The following NXPH2 variants were observed in gnomAD, a reference collection of about 807,000 sequenced individuals.
The protein encoded by NXPH2 is neurexophilin 2.
NXPH2 carries 5 observed loss-of-function variants against 19.8 expected under a neutral mutation model. That is an observed-to-expected ratio of 0.25 (90% confidence interval 0.13 to 0.53). NXPH2 has a LOEUF of 0.53. NXPH2 is among the 20% of genes least tolerant of loss of function. NXPH2 has a pLI of 0.96. For missense variants in NXPH2, 289 were observed against 322.8 expected (o/e 0.90, Z 0.80); for synonymous variants, 154 against 127.4 (o/e 1.21, Z -1.41).
At chr2:138,749,776 C>T (rs1681798676) in intron 1 of NXPH2, among the ~76,000 whole-genome samples, 1 of 151,926 alleles carries the variant, frequency 6.6e-6, no homozygotes, top group Admixed American at 6.6e-5. Context: ...ATAAAAACAC[C>T]ACAACCTAGA....
chr2:138,686,659 G>A (rs1157677516), intron 1 of NXPH2, among the ~76,000 whole-genome samples: 3 of 151,924 alleles, frequency 2.0e-5, no homozygotes, highest in African/African-American at 4.8e-5. Context: ...CCATTAACTC[G>A]TCATTTACAT....
chr2:138,720,865 C>G (rs1273125356), intron 1 of NXPH2, among the ~76,000 whole-genome samples: 2 of 152,134 alleles, frequency 1.3e-5, no homozygotes, highest in African/African-American at 4.8e-5. Context: ...TTGGACAAAG[C>G]CTGACACATT....
At chr2:138,739,501 C>T (rs886531744) in intron 1 of NXPH2, among the ~76,000 whole-genome samples, 2 of 151,992 alleles carry the variant, frequency 1.3e-5, no homozygotes, top group South Asian at 2.1e-4. Context: ...GGGTGTAGAA[C>T]AGGAGGAAGG....
intron 1 of NXPH2, among the ~76,000 whole-genome samples, chr2:138,775,228 A>G (rs183382695): frequency 6.6e-6 from 1 of 152,308 alleles, no homozygotes; most frequent in East Asian, 1.9e-4. Context: ...AAGGAAAGAT[A>G]ATTCCTTATT....
At chr2:138,709,899 T>C (rs1018357443) in intron 1 of NXPH2, among the ~76,000 whole-genome samples, 1 of 152,244 alleles carries the variant, frequency 6.6e-6, no homozygotes, top group Non-Finnish European at 1.5e-5. Context: ...CCACAATTTA[T>C]TTATCCATTC....
At position 138,728,707 on chromosome 2, in the gene NXPH2, G is replaced by A. The variant is rs182916721; in HGVS notation, c.51+51484C>T. On this transcript the variant is annotated intron_variant, in intron 1 of 1. Transcript: ENST00000272641. ...AAAATCCTGCCAGAACATCAATGTA[G>A]ATGCATTTATTCTCTGATAAAAAGT... Among the ~76,000 whole-genome samples the A allele has an allele frequency of 9.3e-4, 141 of 152,300 alleles. 1 individual carries two copies. The highest frequency in any genetic ancestry group is 8.5e-3 in the Admixed American group (130 of 15,294).
At chr2:138,738,580 C>CTCAA (rs1324691295) in intron 1 of NXPH2, among the ~76,000 whole-genome samples, 4 of 152,116 alleles carry the variant, frequency 2.6e-5, no homozygotes, top group African/African-American at 9.7e-5. Context: ...TATAGATTTC[C>CTCAA]TCAATCACTT....
chr2:138,726,292 G>A (rs560339840), intron 1 of NXPH2, among the ~76,000 whole-genome samples: 6 of 152,142 alleles, frequency 3.9e-5, no homozygotes, highest in East Asian at 1.9e-4. Flanking sequence ...TGATCTGCCC[G>A]CCTCAGCCTC....
intron 1 of NXPH2, among the ~76,000 whole-genome samples, chr2:138,712,923 C>T (rs1414164314): frequency 6.6e-6 from 1 of 152,214 alleles, no homozygotes; most frequent in Non-Finnish European, 1.5e-5. Context: ...TTAGTAAATA[C>T]TTGTGATAAA....
intron 1 of NXPH2, among the ~76,000 whole-genome samples, chr2:138,779,170 T>A (rs548062504): frequency 6.6e-6 from 1 of 152,282 alleles, no homozygotes; most frequent in Admixed American, 6.5e-5. Flanking sequence ...GGCAAAGTCT[T>A]AAGTATGAGG....
At chr2:138,722,389 G>A (rs2104994547) in intron 1 of NXPH2, among the ~76,000 whole-genome samples, 1 of 152,324 alleles carries the variant, frequency 6.6e-6, no homozygotes, top group South Asian at 2.1e-4. Flanking sequence ...TTGGGGGAAG[G>A]AAAATCAAGG....
intron 1 of NXPH2, among the ~76,000 whole-genome samples, chr2:138,753,326 C>T (rs924813413): frequency 3.3e-5 from 5 of 152,056 alleles, no homozygotes; most frequent in African/African-American, 1.2e-4. Context: ...TGAGGGTTTG[C>T]TTGTGGTTTG....
intron 1 of NXPH2, among the ~76,000 whole-genome samples, chr2:138,763,463 T>C (rs1367846057): frequency 6.6e-6 from 1 of 152,188 alleles, no homozygotes; most frequent in Non-Finnish European, 1.5e-5. Context: ...GTAATAAATA[T>C]TACAAAGTCT....
At chr2:138,761,268 A>G (rs1374943849) in intron 1 of NXPH2, among the ~76,000 whole-genome samples, 1 of 152,014 alleles carries the variant, frequency 6.6e-6, no homozygotes, top group East Asian at 1.9e-4. Context: ...CCCATTGCTA[A>G]CCCCTACATC....
At chr2:138,743,542 G>T (rs888259205) in intron 1 of NXPH2, among the ~76,000 whole-genome samples, 1 of 152,200 alleles carries the variant, frequency 6.6e-6, no homozygotes, top group African/African-American at 2.4e-5. Context: ...GAGATGAAGA[G>T]TGACTGCTAA....
At chr2:138,687,635 A>G (rs1482467068) in intron 1 of NXPH2, among the ~76,000 whole-genome samples, 1 of 151,512 alleles carries the variant, frequency 6.6e-6, no homozygotes, top group Non-Finnish European at 1.5e-5. Context: ...CATGCCTAGA[A>G]AACTCTAGGT....
intron 1 of NXPH2, among the ~76,000 whole-genome samples, chr2:138,681,750 G>T (rs1680582806): frequency 6.6e-6 from 1 of 152,148 alleles, no homozygotes; most frequent in African/African-American, 2.4e-5. Flanking sequence ...AAGGCAGCTG[G>T]CTTTTCGGTC....
At chr2:138,677,467 A>G (rs1680501828) in intron 1 of NXPH2, among the ~76,000 whole-genome samples, 1 of 152,202 alleles carries the variant, frequency 6.6e-6, no homozygotes. Context: ...GTCTTACAGA[A>G]GAGCTCAAAA....
intron 1 of NXPH2, among the ~76,000 whole-genome samples, chr2:138,702,434 T>A (rs1168369208): frequency 6.6e-6 from 1 of 152,088 alleles, no homozygotes; most frequent in Non-Finnish European, 1.5e-5. Context: ...TCTTTTTCTG[T>A]TAGTGTATTC....
Sources: gnomAD v4.1 joint callset for allele counts (sites outside exome capture counted in the v4.1 genomes callset) on GRCh38, gnomAD v4.1.1 for gene constraint, MANE v1.5 for transcripts, NCBI Gene and HGNC (gene_info 2026-07-23, HGNC 2026-07-21) for gene names.